Variants in ZNF829 observed in about 807,000 individuals in gnomAD.
The protein encoded by ZNF829 is zinc finger protein 829.
Under a neutral mutation model 35.2 loss-of-function variants are expected in ZNF829, and 25 were observed. The observed-to-expected ratio is 0.71, with a 90% CI of 0.52 to 0.99. The LOEUF is 0.99. ZNF829 is among the 50% of genes least tolerant of loss of function. The pLI, the probability that ZNF829 is intolerant of heterozygous loss-of-function variation, is 0.00. For synonymous variants in ZNF829, 136 were observed against 163.2 expected, an observed-to-expected ratio of 0.83 and a Z score of 1.27; for missense variants, 417 against 515.3, an observed-to-expected ratio of 0.81 and a Z score of 1.85.
chr19:36,909,722 A>T (rs1568372251), intron 3 of ZNF829, among the ~76,000 whole-genome samples: 1 of 151,538 alleles, frequency 6.6e-6, no homozygotes, highest in Non-Finnish European at 1.5e-5. Flanking sequence ...TAGGAGAATC[A>T]CTTGAACCTG....
chr19:36,894,727 G>C (rs1472606275), intron 5 of ZNF829, among the ~76,000 whole-genome samples: 1 of 151,824 alleles, frequency 6.6e-6, no homozygotes, highest in East Asian at 1.9e-4. Context: ...TTGAGGACAG[G>C]GTTTTTTAAA....
In ZNF829 at chr19:36,892,197, G is replaced by A. The variant is rs776456815; in HGVS notation, c.594C>T (p.Leu198=). The change falls in exon 6 of 6, where the codon CTC becomes CTT. Residue 198 remains leucine, a synonymous_variant. Coordinates refer to ENST00000391711, the MANE Select transcript of ZNF829 (RefSeq NM_001037232.4). ...TGTGAATCCTCTGATGTCGAGTAAC[G>A]AGTGAGCCACGACTAAAGGACTTCC... The part of the protein sequence containing the change: ...EYGKSFSRGS[L]VTRHQRIHTG... The A allele has an allele frequency of 4.2e-5, 67 of 1,613,942 alleles. No individual in the cohort carries two copies. Among genetic ancestry groups the A allele is most frequent in the African/African-American group, 6.7e-5 (5 of 74,912 alleles).
Position 36,891,861 on chromosome 19 carries a change from C to A in ZNF829, c.930G>T (p.Arg310Ser). Reference sequence around the variant, plus strand: ...TATGCATTCTCTGATGCTGAATAAGCCTTGAGTGTTGAGTAAAGGCTTTCC... The same window carrying A: ...TATGCATTCTCTGATGCTGAATAAGACTTGAGTGTTGAGTAAAGGCTTTCC... Reference protein sequence around the residue: ...ECGKAFTQHSRLIQHQRMHTG... With the variant: ...ECGKAFTQHSSLIQHQRMHTG... The change falls in exon 6 of 6, where the codon AGG becomes AGT. Residue 310 changes from arginine (R) to serine (S), a missense_variant. Transcript: ENST00000391711. 1 of 1,613,760 alleles carries A rather than the reference C, an allele frequency of 6.2e-7. No homozygotes were observed. The highest frequency in any genetic ancestry group is 8.5e-7 in the Non-Finnish European group (1 of 1,179,914).
At chr19:36,899,168 A>G (rs1366146883) in intron 5 of ZNF829, among the ~76,000 whole-genome samples, 2 of 152,178 alleles carry the variant, frequency 1.3e-5, no homozygotes, top group Admixed American at 1.3e-4. Flanking sequence ...GCAGTGCCAT[A>G]GCGGCTCATA....
chr19:36,907,776 C>T (rs1261288713), intron 5 of ZNF829, 153 bp downstream of exon 5: 4 of 572,768 alleles, frequency 7.0e-6, no homozygotes, highest in Non-Finnish European at 1.2e-5. Flanking sequence ...GAGGTACTTG[C>T]TATATTGGAC....
At position 36,915,246 on chromosome 19, in the gene ZNF829, G is replaced by A. The variant is rs2073305256; in HGVS notation, c.-79C>T. ...TTGGAATCTGACCAGACCTCAGAGA[G>A]GTTTCCTAGAGACAGAGTTCTGGAG... On this transcript the variant is annotated 5_prime_UTR_variant, in exon 2 of 6. Coordinates refer to ENST00000391711, the MANE Select transcript of ZNF829 (RefSeq NM_001037232.4). The A allele has an allele frequency of 6.2e-7, 1 of 1,611,638 alleles. No homozygotes were observed. The highest frequency in any genetic ancestry group is 1.1e-5 in the South Asian group (1 of 90,756).
chr19:36,893,114 T>C (rs914305976), intron 5 of ZNF829: 4 of 397,438 alleles, frequency 1.0e-5, no homozygotes, highest in African/African-American at 8.2e-5. Context: ...ATAACAAATG[T>C]GTTGAAAGGT....
intron 5 of ZNF829, chr19:36,906,783 T>A (rs2073219159): frequency 6.6e-6 from 1 of 151,960 alleles, no homozygotes. Context: ...AAAGCATAAT[T>A]TAAAAAATAT....
At chr19:36,904,700 G>A (rs1242576155) in intron 5 of ZNF829, among the ~76,000 whole-genome samples, 1 of 151,724 alleles carries the variant, frequency 6.6e-6, no homozygotes, top group Non-Finnish European at 1.5e-5. Context: ...CGCCTGGTCT[G>A]GGCTGCTGTT....
intron 5 of ZNF829, among the ~76,000 whole-genome samples, chr19:36,904,412 T>C (rs1054499497): frequency 1.3e-5 from 2 of 152,258 alleles, no homozygotes; most frequent in South Asian, 4.2e-4. Context: ...TTTTTTCTCT[T>C]TTTTTGAGAT....
intron 5 of ZNF829, chr19:36,905,868 C>T (rs2073211267): frequency 6.6e-6 from 1 of 151,718 alleles, no homozygotes; most frequent in South Asian, 2.1e-4. Flanking sequence ...GACAAATAAG[C>T]CAAAGGAACA....
chr19:36,910,832 C>T (rs1396573556), intron 3 of ZNF829, among the ~76,000 whole-genome samples: 5 of 152,102 alleles, frequency 3.3e-5, no homozygotes, highest in African/African-American at 9.7e-5. Flanking sequence ...CATGGAGAAA[C>T]CCCATCTTTA....
In ZNF829 at chr19:36,891,116, A is replaced by C; in HGVS notation, c.*376T>G. On this transcript the variant is annotated 3_prime_UTR_variant, in exon 6 of 6. Transcript: ENST00000391711. ...TGGTGTCCAAATAAAAGACATACAC[A>C]GAGATACACAGCGAGAATGCAATGT... The C allele has an allele frequency of 1.2e-5, 2 of 169,088 alleles. No homozygotes were observed. Among genetic ancestry groups the C allele is most frequent in the Non-Finnish European group, 1.3e-5 (1 of 79,694 alleles). 10.5% of individuals were successfully genotyped at this position (169,088 alleles called of 1,614,324 possible). A position where few individuals can be genotyped will look rare whatever the true frequency, so the allele number is the denominator to read the frequency against.
chr19:36,891,828 C>T lies in ZNF829; in HGVS notation c.963G>A (p.Glu321=). 2 of 1,614,114 alleles carry T rather than the reference C, an allele frequency of 1.2e-6. No individual in the cohort carries two copies. Among genetic ancestry groups the T allele is most frequent in the South Asian group, 2.2e-5 (2 of 91,080 alleles). The change falls in exon 6 of 6, where the codon GAG becomes GAA. Residue 321 remains glutamate (E), a synonymous_variant. Transcript: ENST00000391711. ...CACACTGCTTACATTCATAAGGTTT[C>T]TCACCAGTATGCATTCTCTGATGCT... ...LIQHQRMHTG[E]KPYECKQCGK...
intron 5 of ZNF829, among the ~76,000 whole-genome samples, chr19:36,904,162 T>C (rs2073195577): frequency 6.6e-6 from 1 of 152,208 alleles, no homozygotes; most frequent in Admixed American, 6.5e-5. Flanking sequence ...TATGAATATA[T>C]TGCTATAGGC....
Position 36,892,212 on chromosome 19 carries a change from A to G in ZNF829, c.579T>C (p.Phe193=). 1.2e-6 allele frequency: 2 copies of G among 1,614,142 alleles called. No homozygotes were observed. Among genetic ancestry groups the G allele is most frequent in the Non-Finnish European group, 1.7e-6 (2 of 1,180,032 alleles). ...GTCGAGTAACGAGTGAGCCACGACT[A>G]AAGGACTTCCCATACTCCTTAGATT... ...HYESKEYGKS[F]SRGSLVTRHQ... The change falls in exon 6 of 6, where the codon TTT becomes TTC. Residue 193 remains phenylalanine, a synonymous_variant. Coordinates refer to ENST00000391711, the MANE Select transcript of ZNF829 (RefSeq NM_001037232.4).
In ZNF829 at chr19:36,907,928, C is replaced by T. The variant is rs760097515; in HGVS notation, c.319+1G>A. On this transcript the variant is annotated splice_donor_variant, in intron 5 of 5. Transcript: ENST00000391711. LOFTEE classifies it high-confidence loss of function. The stretch of plus-strand genomic sequence containing the variant: ...CTCCTGAGCCATCATCTCTTACTTA[C>T]CTGAACACAGGCCTCTAGTCAGCTC... The T allele has an allele frequency of 1.2e-6, 2 of 1,613,194 alleles. No individual in the cohort carries two copies. The highest frequency in any genetic ancestry group is 1.7e-4 in the Middle Eastern group (1 of 6,054).
In ZNF829 at chr19:36,891,772, G is replaced by C; in HGVS notation, c.1019C>G (p.Thr340Ser). ...GKAFNSASTL[T>S]NHHRIHAGEK... ...ACCAGCATGAATTCTGTGATGGTTA[G>C]TAAGTGTTGAGGCACTATTAAAGGC... Residue 340 changes from threonine to serine, a missense_variant, in exon 6 of 6, where the codon ACT becomes AGT. Transcript: ENST00000391711. 1.2e-6 allele frequency: 2 copies of C among 1,614,066 alleles called. No individual in the cohort carries two copies. Among genetic ancestry groups the C allele is most frequent in the Non-Finnish European group, 1.7e-6 (2 of 1,179,996 alleles).
chr19:36,909,281 T>C (rs776874300), intron 3 of ZNF829, among the ~76,000 whole-genome samples: 1 of 152,146 alleles, frequency 6.6e-6, no homozygotes, highest in East Asian at 1.9e-4. Context: ...TGTTTCATCA[T>C]GTAGAAAATA....
Sources: gnomAD v4.1 joint callset for allele counts (sites outside exome capture counted in the v4.1 genomes callset) on GRCh38, gnomAD v4.1.1 for gene constraint, MANE v1.5 for transcripts, NCBI Gene and HGNC (gene_info 2026-07-23, HGNC 2026-07-21) for gene names.